The following EXOC4 variants were observed in gnomAD, a reference collection of about 807,000 sequenced individuals.
EXOC4 encodes exocyst complex component 4.
In EXOC4, 71 loss-of-function variants were observed where a neutral mutation model predicts 107.2. That is an observed-to-expected ratio of 0.66 (90% CI 0.55 to 0.81). The LOEUF (loss-of-function observed/expected upper bound fraction) is 0.81, where lower values mean the gene tolerates loss of function less well. Among genes scored for constraint, EXOC4 ranks in the 30% least tolerant of loss-of-function variants. The probability of loss-of-function intolerance (pLI) is 0.00; values close to 1 mark genes in which losing one functional copy is unlikely to be tolerated. For missense variants in EXOC4, 1,108 were observed against 1,189.6 expected (o/e 0.93, Z 1.01); for synonymous variants, 456 against 441.2 (o/e 1.03, Z -0.42).
At chr7:133,793,444 C>T (rs1390859979) in intron 10 of EXOC4, among the ~76,000 whole-genome samples, 1 of 152,112 alleles carries the variant, frequency 6.6e-6, no homozygotes, top group Admixed American at 6.5e-5. Context: ...GGATCTGCCA[C>T]CATTCTGTTT....
chr7:133,335,435 A>G (rs931933522), intron 5 of EXOC4, among the ~76,000 whole-genome samples: 1 of 152,196 alleles, frequency 6.6e-6, no homozygotes, highest in African/African-American at 2.4e-5. Flanking sequence ...TGGATACCTC[A>G]TATAAGTGGA....
chr7:133,377,538 T>C (rs565339282), intron 7 of EXOC4, among the ~76,000 whole-genome samples: 15 of 152,148 alleles, frequency 9.9e-5, no homozygotes, highest in African/African-American at 3.1e-4. Context: ...TTCAAGGATA[T>C]TATGCAGCTT....
chr7:133,817,827 T>C (rs778601124), intron 11 of EXOC4, among the ~76,000 whole-genome samples: 16 of 152,148 alleles, frequency 1.1e-4, no homozygotes, highest in African/African-American at 1.4e-4. Context: ...ATGCCTGGAA[T>C]TGGTCCTTGA....
intron 10 of EXOC4, among the ~76,000 whole-genome samples, chr7:133,763,252 G>A (rs189210425): frequency 2.6e-5 from 4 of 152,186 alleles, no homozygotes; most frequent in East Asian, 1.9e-4. Context: ...ACCAATGGTC[G>A]TTGGATTTCT....
At chr7:134,050,805 A>G (rs2116577276) in intron 17 of EXOC4, among the ~76,000 whole-genome samples, 1 of 152,180 alleles carries the variant, frequency 6.6e-6, no homozygotes, top group East Asian at 1.9e-4. Context: ...TTCTGTTAGC[A>G]CTAGTGAACA....
chr7:133,582,754 C>T (rs896202350), intron 9 of EXOC4, among the ~76,000 whole-genome samples: 1 of 151,842 alleles, frequency 6.6e-6, no homozygotes, highest in African/African-American at 2.4e-5. Context: ...AAATGGCAAC[C>T]GAAACAAATC....
rs191663632 is a variant in EXOC4, at chr7:133,822,420, A to G, written c.1734+4876A>G. ...AGGGGACTAATGCTTAAGGTTTTTG[A>G]CCCCTTACCCATCAAATTGCTGAAT... On this transcript the variant is annotated intron_variant, in intron 11 of 17. Coordinates refer to ENST00000253861, the MANE Select transcript of EXOC4 (RefSeq NM_021807.4). Among the ~76,000 whole-genome samples the G allele has an allele frequency of 3.3e-5, 5 of 152,082 alleles. No homozygotes were observed. In the East Asian group the frequency reaches 9.6e-4, roughly 29 times the overall value.
At chr7:133,566,019 A>G (rs755137664) in intron 9 of EXOC4, among the ~76,000 whole-genome samples, 3 of 152,182 alleles carry the variant, frequency 2.0e-5, no homozygotes, top group Non-Finnish European at 4.4e-5. Context: ...ATTGGGGGTT[A>G]TTATATATTT....
intron 17 of EXOC4, among the ~76,000 whole-genome samples, chr7:134,015,119 G>C (rs1563092204): frequency 6.6e-6 from 1 of 152,158 alleles, no homozygotes; most frequent in Non-Finnish European, 1.5e-5. Context: ...GTCATCATCA[G>C]GCCTGAAGTC....
chr7:134,089,798 C>A, the EXOC4 span, among the ~76,000 whole-genome samples: 1 of 152,098 alleles, frequency 6.6e-6, no homozygotes, highest in Non-Finnish European at 1.5e-5. Context: ...TACATAAAGT[C>A]TCTTTTCTTT....
chr7:133,670,421 C>G (rs1161496053), intron 10 of EXOC4, among the ~76,000 whole-genome samples: 1 of 152,154 alleles, frequency 6.6e-6, no homozygotes, highest in African/African-American at 2.4e-5. Context: ...CAATTTGATT[C>G]CATGTGTGAC....
intron 12 of EXOC4, among the ~76,000 whole-genome samples, chr7:133,902,162 C>A (rs539879042): frequency 6.6e-6 from 1 of 152,150 alleles, no homozygotes; most frequent in Non-Finnish European, 1.5e-5. Context: ...CTGTAATTTA[C>A]GTTGCTTTTC....
At chr7:133,922,666 T>C (rs185145806) in intron 13 of EXOC4, among the ~76,000 whole-genome samples, 2,608 of 152,116 alleles carry the variant, frequency 0.017, 35 homozygotes, top group Middle Eastern at 0.027. Flanking sequence ...CCTAACACGG[T>C]GAAACCCCGT....
At chr7:133,872,204 T>C (rs1276525679) in intron 11 of EXOC4, among the ~76,000 whole-genome samples, 1 of 152,152 alleles carries the variant, frequency 6.6e-6, no homozygotes, top group African/African-American at 2.4e-5. Flanking sequence ...ATATATAATA[T>C]TAGCTTTTAG....
At chr7:133,732,272 C>G (rs986035998) in intron 10 of EXOC4, among the ~76,000 whole-genome samples, 2 of 152,164 alleles carry the variant, frequency 1.3e-5, no homozygotes, top group Non-Finnish European at 2.9e-5. Context: ...ACAACACACA[C>G]TGGGGCCTGT....
At chr7:133,545,783 C>T (rs1800468384) in intron 9 of EXOC4, among the ~76,000 whole-genome samples, 1 of 152,168 alleles carries the variant, frequency 6.6e-6, no homozygotes, top group Non-Finnish European at 1.5e-5. Flanking sequence ...TAGTTTGACC[C>T]TATATAACCA....
chr7:133,781,740 G>A (rs1796472373), intron 10 of EXOC4, among the ~76,000 whole-genome samples: 1 of 152,152 alleles, frequency 6.6e-6, no homozygotes, highest in African/African-American at 2.4e-5. Context: ...GCTCAGCAGT[G>A]ACTCATCATG....
chr7:133,537,732 T>C (rs1401509352), intron 9 of EXOC4, among the ~76,000 whole-genome samples: 1 of 152,206 alleles, frequency 6.6e-6, no homozygotes, highest in African/African-American at 2.4e-5. Flanking sequence ...GATTTTACTG[T>C]TGTTTTAAAC....
intron 11 of EXOC4, among the ~76,000 whole-genome samples, chr7:133,850,100 C>T (rs1475430386): frequency 2.6e-5 from 4 of 152,128 alleles, no homozygotes; most frequent in Non-Finnish European, 4.4e-5. Flanking sequence ...TCTTCTAAAC[C>T]AACAAAACAC....
Sources: gnomAD v4.1 joint callset for allele counts (sites outside exome capture counted in the v4.1 genomes callset) on GRCh38, gnomAD v4.1.1 for gene constraint, MANE v1.5 for transcripts, NCBI Gene and HGNC (gene_info 2026-07-23, HGNC 2026-07-21) for gene names.